The following SLAMF1 variants were observed in gnomAD, a reference collection of about 807,000 sequenced individuals.
SLAMF1 encodes signaling lymphocytic activation molecule.
A neutral mutation model predicts 35.1 loss-of-function variants in SLAMF1; 18 were observed. The observed-to-expected ratio is 0.51, with a 90% CI of 0.35 to 0.76. The LOEUF (loss-of-function observed/expected upper bound fraction) is 0.76, where lower values mean the gene tolerates loss of function less well. Among genes scored for constraint, SLAMF1 ranks in the 30% least tolerant of loss-of-function variants. The probability of loss-of-function intolerance (pLI) is 0.01; values close to 1 mark genes in which losing one functional copy is unlikely to be tolerated. For synonymous variants in SLAMF1, 168 were observed against 157.2 expected (o/e 1.07, Z -0.51); for missense variants, 392 against 413.0 (o/e 0.95, Z 0.44).
chr1:160,638,410 C>T (rs567747908), intron 1 of SLAMF1, among the ~76,000 whole-genome samples: 6 of 152,336 alleles, frequency 3.9e-5, no homozygotes, highest in South Asian at 2.1e-4. Context: ...TCTTCCTCCA[C>T]GGAGCACTCA....
chr1:160,638,092 A>G (rs760283069), intron 1 of SLAMF1, among the ~76,000 whole-genome samples: 1 of 152,102 alleles, frequency 6.6e-6, no homozygotes, highest in Non-Finnish European at 1.5e-5. Context: ...GATAGTTAAT[A>G]ATGTCGACAG....
rs1197728882 is a variant in SLAMF1 at position 160,642,173 on chromosome 1, C to CT, written c.77-4645dup. Among the ~76,000 whole-genome samples, 6 of 152,184 alleles carry CT rather than the reference C, an allele frequency of 3.9e-5. No individual in the cohort carries two copies. Among genetic ancestry groups the CT allele is most frequent in the African/African-American group, 1.4e-4 (6 of 41,442 alleles). ...ATTTAGGCTCAGAAAGAAAAGACAT[C>CT]TTGTCTGTGTTTGCTTTTTAAACTG... On this transcript the variant is annotated intron_variant, in intron 1 of 6. Transcript: ENST00000302035. The surrounding 1 kb of genome is among the most constrained non-coding windows in gnomAD (Gnocchi z 4.2).
chr1:160,631,367 TTG>T (rs2102325503), intron 3 of SLAMF1, among the ~76,000 whole-genome samples: 1 of 152,312 alleles, frequency 6.6e-6, no homozygotes, highest in South Asian at 2.1e-4. Context: ...ACATGTTGAA[TTG>T]TGTTTTCCCA....
Position 160,637,207 on chromosome 1 carries a change from C to T in SLAMF1, c.399G>A (p.Leu133=). The T allele has an allele frequency of 6.2e-7, 1 of 1,613,744 alleles. No homozygotes were observed. The stretch of plus-strand genomic sequence containing the variant: ...CATTATTACCATAAAGCCTCAACTG[C>T]AGGCAAAAGCGCTGAACTGAAACAT... ...EKNVSVQRFC[L]QLRLYEQVST... The change falls in exon 2 of 7, where the codon CTG becomes CTA. Residue 133 remains leucine (L), a synonymous_variant. Transcript: ENST00000302035.
rs33981363 is a variant in SLAMF1 at position 160,621,558 on chromosome 1, CAAAAAAAA to C, written c.791-1717_791-1710del. Among the ~76,000 whole-genome samples the C allele has an allele frequency of 8.2e-5, 6 of 73,284 alleles. No individual in the cohort carries two copies. The East Asian group carries it at 1.6e-3, about 20-fold the overall frequency. The allele number at this position is 73,284 out of a possible 152,430, so 48.1% of individuals were successfully genotyped here. On this transcript the variant is annotated intron_variant, in intron 4 of 6. Transcript: ENST00000302035. ...TGAGTGACAGAGCAAGAATCTATCT[CAAAAAAAA>C]AAAAAAAAAAAAAAAGGCACATCTC...
At chr1:160,645,492 G>A (rs1660994430) in intron 1 of SLAMF1, among the ~76,000 whole-genome samples, 1 of 152,204 alleles carries the variant, frequency 6.6e-6, no homozygotes, top group South Asian at 2.1e-4. Flanking sequence ...GGTCAGCAGT[G>A]CCTAAGATGC....
intron 2 of SLAMF1, among the ~76,000 whole-genome samples, chr1:160,635,294 G>A (rs1660380511): frequency 6.6e-6 from 1 of 152,126 alleles, no homozygotes; most frequent in Non-Finnish European, 1.5e-5. Flanking sequence ...TTTAGTGGTG[G>A]GATTTCATCT....
At chr1:160,615,407 A>G (rs1659242136) in intron 5 of SLAMF1, among the ~76,000 whole-genome samples, 1 of 152,158 alleles carries the variant, frequency 6.6e-6, no homozygotes, top group Admixed American at 6.5e-5. Flanking sequence ...TTTCTAGGGT[A>G]GCCACTAAAA....
intron 5 of SLAMF1, chr1:160,615,857 C>G (rs1203998770): frequency 5.2e-6 from 1 of 192,892 alleles, no homozygotes; most frequent in Admixed American, 5.8e-5. Context: ...TACAAGCCAA[C>G]AAATGCCACG....
At chr1:160,620,657 G>T (rs947622050) in intron 4 of SLAMF1, among the ~76,000 whole-genome samples, 49 of 152,002 alleles carry the variant, frequency 3.2e-4, no homozygotes, top group African/African-American at 1.2e-3. Context: ...ATTCCCAAAA[G>T]AAACCGTATT....
rs893202159 is a variant in SLAMF1, at chr1:160,624,147, C to T, written c.739G>A (p.Gly247Ser). 6.2e-7 allele frequency: 1 copy of T among 1,610,538 alleles called. No individual in the cohort carries two copies. The highest frequency in any genetic ancestry group is 1.7e-5 in the Admixed American group (1 of 59,210). ...PWAVYAGLLG[G>S]VIMILIMVVI... is the part of the protein sequence containing the mutation. Reference sequence around the variant, plus strand: ...ACCATGATGAGAATCATGATGACACCCCCTAACAGCCCAGCATACACTGCC... The same window carrying T: ...ACCATGATGAGAATCATGATGACACTCCCTAACAGCCCAGCATACACTGCC... The change falls in exon 4 of 7, where the codon GGT (glycine) becomes AGT (serine). Residue 247 changes from glycine (G) to serine (S), a missense_variant. Gly to Ser is a moderately conservative substitution (Grantham distance 56, BLOSUM62 0). Transcript: ENST00000302035.
chr1:160,641,714 A>C (rs1008037086), intron 1 of SLAMF1, among the ~76,000 whole-genome samples: 6 of 152,120 alleles, frequency 3.9e-5, no homozygotes, highest in African/African-American at 1.4e-4. Flanking sequence ...CATAAGCACA[A>C]GGTGGAAAAA....
chr1:160,641,127 C>A (rs1660721654), intron 1 of SLAMF1, among the ~76,000 whole-genome samples: 1 of 152,086 alleles, frequency 6.6e-6, no homozygotes, highest in Non-Finnish European at 1.5e-5. Flanking sequence ...TATGAACTTC[C>A]AGACTTTTGT....
At chr1:160,622,193 A>G (rs921461605) in intron 4 of SLAMF1, among the ~76,000 whole-genome samples, 5 of 152,290 alleles carry the variant, frequency 3.3e-5, no homozygotes, top group Middle Eastern at 6.8e-3. Context: ...TATTTTCCCC[A>G]GTGCAAGAAC....
At chr1:160,620,811 T>C (rs1278369215) in intron 4 of SLAMF1, among the ~76,000 whole-genome samples, 1 of 152,252 alleles carries the variant, frequency 6.6e-6, no homozygotes, top group Non-Finnish European at 1.5e-5. Context: ...TAATACAGCT[T>C]ACAGACACGG....
intron 3 of SLAMF1, among the ~76,000 whole-genome samples, chr1:160,630,203 C>G (rs749091107): frequency 6.6e-6 from 1 of 152,224 alleles, no homozygotes; most frequent in Non-Finnish European, 1.5e-5. Flanking sequence ...CCCACATCCA[C>G]TGGCTTCACA....
At chr1:160,616,812 C>T (rs949346053) in intron 5 of SLAMF1, among the ~76,000 whole-genome samples, 1 of 152,134 alleles carries the variant, frequency 6.6e-6, no homozygotes, top group Non-Finnish European at 1.5e-5. Context: ...AAGACACATC[C>T]AACAGTAGGA....
intron 1 of SLAMF1, among the ~76,000 whole-genome samples, chr1:160,644,066 T>C (rs1328155714): frequency 6.6e-6 from 1 of 152,252 alleles, no homozygotes; most frequent in Non-Finnish European, 1.5e-5. Flanking sequence ...GTTTTCATTT[T>C]CCAAATTCCA....
intron 1 of SLAMF1, among the ~76,000 whole-genome samples, chr1:160,643,014 T>C (rs1041151791): frequency 1.4e-5 from 2 of 142,986 alleles, no homozygotes; most frequent in Non-Finnish European, 3.1e-5. Context: ...TCTTATTAAA[T>C]GACTCACAGT....
Sources: gnomAD v4.1 joint callset for allele counts (sites outside exome capture counted in the v4.1 genomes callset) on GRCh38, gnomAD v4.1.1 for gene constraint, Gnocchi (gnomAD v3.1) non-coding constraint, MANE v1.5 for transcripts, NCBI Gene and HGNC (gene_info 2026-07-23, HGNC 2026-07-21) for gene names.